Variants in UTRN observed in about 807,000 individuals in gnomAD.
The protein encoded by UTRN is utrophin.
A neutral mutation model predicts 463.9 loss-of-function variants in UTRN; 283 were observed. That is an observed-to-expected ratio of 0.61 (90% CI 0.55 to 0.67). The LOEUF is 0.67. UTRN is among the 30% of genes least tolerant of loss of function. The probability of loss-of-function intolerance (pLI) is 0.00; values close to 1 mark genes in which losing one functional copy is unlikely to be tolerated. For synonymous variants in UTRN, 1,442 were observed against 1,431.5 expected, an observed-to-expected ratio of 1.01 and a Z score of -0.17; for missense variants, 3,922 against 4,084.3, an observed-to-expected ratio of 0.96 and a Z score of 1.08.
chr6:144,489,966 T>A, intron 30 of UTRN, 105 bp from the exon 31 acceptor site: 1 of 1,467,454 alleles, frequency 6.8e-7, no homozygotes, highest in Non-Finnish European at 9.2e-7. Context: ...TTATGTAAAA[T>A]ACGATATCAT....
chr6:144,601,418 C>T (rs1804236208), intron 51 of UTRN, among the ~76,000 whole-genome samples: 1 of 151,636 alleles, frequency 6.6e-6, no homozygotes, highest in South Asian at 2.1e-4. Flanking sequence ...GATTCCTACC[C>T]TCATGGATCA....
At chr6:144,315,806 G>T (rs1200975174) in intron 2 of UTRN, among the ~76,000 whole-genome samples, 2 of 152,166 alleles carry the variant, frequency 1.3e-5, no homozygotes, top group African/African-American at 4.8e-5. Context: ...TACCTGAAAA[G>T]CACTTTATAT....
In UTRN at chr6:144,537,763, T is replaced by G. The variant is rs567113572; in HGVS notation, c.6369+46T>G. The G allele has an allele frequency of 3.8e-6, 6 of 1,589,702 alleles. No homozygotes were observed. In the East Asian group the frequency reaches 1.2e-4, roughly 31 times the overall value. On this transcript the variant is annotated intron_variant, in intron 44 of 74. Coordinates refer to ENST00000367545, the MANE Select transcript of UTRN (RefSeq NM_007124.3). ...TATATGCCTTTTGGTGCCCGAACATTATACTTCAGAGTCACATACTGCGTG... is the reference window on the plus strand; with the variant it reads ...TATATGCCTTTTGGTGCCCGAACATGATACTTCAGAGTCACATACTGCGTG...
intron 2 of UTRN, among the ~76,000 whole-genome samples, chr6:144,394,476 A>G (rs544738576): frequency 1.2e-4 from 18 of 152,156 alleles, no homozygotes; most frequent in Non-Finnish European, 2.1e-4. Context: ...CCCATAACCC[A>G]TGGGAATTAT....
intron 51 of UTRN, among the ~76,000 whole-genome samples, chr6:144,639,920 A>G (rs930124252): frequency 6.6e-6 from 1 of 152,192 alleles, no homozygotes; most frequent in African/African-American, 2.4e-5. Flanking sequence ...CCACAGGGCC[A>G]TGAGGCATTA....
At chr6:144,679,222 T>G (rs1394211822) in intron 52 of UTRN, among the ~76,000 whole-genome samples, 3 of 152,126 alleles carry the variant, frequency 2.0e-5, no homozygotes, top group African/African-American at 7.2e-5. Flanking sequence ...AGGACCAGAA[T>G]TCTGACTAGG....
In UTRN at chr6:144,770,133, C is replaced by T. The variant is rs537013254; in HGVS notation, c.8496-1774C>T. On this transcript the variant is annotated intron_variant, in intron 58 of 74. Transcript: ENST00000367545. ...AGTCAAGAATCTGGGTAGAGGAGCC[C>T]GACAACTTTCCATCTCTTTCCAAGA... 3.9e-5 allele frequency among the ~76,000 whole-genome samples: 6 copies of T among 152,214 alleles called. No individual in the cohort carries two copies. In the East Asian group the frequency reaches 1.2e-3, roughly 29 times the overall value.
At chr6:144,680,863 TAC>T (rs1782126858) in intron 52 of UTRN, among the ~76,000 whole-genome samples, 1 of 152,184 alleles carries the variant, frequency 6.6e-6, no homozygotes. Flanking sequence ...TGGCTGAGAA[TAC>T]AGTTTGCTGC....
chr6:144,329,958 A>C (rs1776225196), intron 2 of UTRN, among the ~76,000 whole-genome samples: 1 of 152,194 alleles, frequency 6.6e-6, no homozygotes, highest in East Asian at 1.9e-4. Context: ...TGGCCTCTTG[A>C]GTGTGTAGAC....
At chr6:144,711,797 G>A (rs1213531084) in intron 53 of UTRN, among the ~76,000 whole-genome samples, 2 of 152,136 alleles carry the variant, frequency 1.3e-5, no homozygotes, top group Non-Finnish European at 2.9e-5. Flanking sequence ...GGCTACTCTG[G>A]CCTTTGCTTA....
At chr6:144,794,073 G>A (rs765561572) in intron 63 of UTRN, 82 bp downstream of exon 63, 62 of 1,528,920 alleles carry the variant, frequency 4.1e-5, no homozygotes, top group South Asian at 2.7e-4. Flanking sequence ...TAGGGAACTC[G>A]GGCTGGAGCC....
chr6:144,827,827 T>C, intron 68 of UTRN, 151 bp downstream of exon 68: 1 of 943,072 alleles, frequency 1.1e-6, no homozygotes, highest in Non-Finnish European at 1.6e-6. Flanking sequence ...GGCTCTCATA[T>C]TTTCATGACA....
intron 23 of UTRN, among the ~76,000 whole-genome samples, chr6:144,467,655 T>C (rs1438373449): frequency 6.6e-6 from 1 of 152,118 alleles, no homozygotes; most frequent in African/African-American, 2.4e-5. Context: ...GAACCAGGTT[T>C]TGAGAGTACT....
At chr6:144,359,814 C>T (rs1778889758) in intron 2 of UTRN, among the ~76,000 whole-genome samples, 1 of 151,388 alleles carries the variant, frequency 6.6e-6, no homozygotes, top group African/African-American at 2.4e-5. Context: ...CATTTCATCG[C>T]TTGATGTTTA....
chr6:144,658,380 A>G (rs927353843), intron 51 of UTRN, among the ~76,000 whole-genome samples: 2 of 152,210 alleles, frequency 1.3e-5, no homozygotes, highest in African/African-American at 4.8e-5. Context: ...TTGCAAATCC[A>G]AAAAATAATA....
At chr6:144,661,433 G>C (rs1779852880) in intron 51 of UTRN, among the ~76,000 whole-genome samples, 2 of 152,250 alleles carry the variant, frequency 1.3e-5, no homozygotes, top group Admixed American at 1.3e-4. Context: ...CACCTCTACT[G>C]TAATGTAAGG....
At chr6:144,795,771 G>A (rs919998741) in intron 63 of UTRN, among the ~76,000 whole-genome samples, 1 of 151,958 alleles carries the variant, frequency 6.6e-6, no homozygotes, top group African/African-American at 2.4e-5. Context: ...CTGGATATTA[G>A]CCCTTTGTCA....
rs1432089165 is a variant in UTRN, at chr6:144,459,333, C to T, written c.2686C>T (p.Arg896Cys). ...YQAVQEAVED[R>C]QQHLENELKG... is the part of the protein sequence containing the mutation. ...AGCTGTACAAGAGGCTGTAGAGGAT[C>T]GTCAACAACATCTAGAGAATGGTAA... is the stretch of plus-strand genomic sequence containing the variant. The change falls in exon 21 of 75, where the codon CGT becomes TGT. Residue 896 changes from arginine (R) to cysteine (C), a missense_variant. Physicochemically the swap from Arg to Cys is radical, Grantham distance 180. This residue lies in a region of UTRN where 2,349 missense variants were observed against 2,303.8 expected (regional missense o/e 1.02). Transcript: ENST00000367545. 1.9e-6 allele frequency: 3 copies of T among 1,604,696 alleles called. No individual in the cohort carries two copies. The highest frequency in any genetic ancestry group is 1.1e-5 in the South Asian group (1 of 89,492).
chr6:144,391,133 G>A (rs569094508), intron 2 of UTRN, among the ~76,000 whole-genome samples: 1 of 151,964 alleles, frequency 6.6e-6, no homozygotes, highest in African/African-American at 2.4e-5. Context: ...ATGCAGTGGT[G>A]CATTCACAAT....
Sources: gnomAD v4.1 joint callset for allele counts (sites outside exome capture counted in the v4.1 genomes callset) on GRCh38, gnomAD v4.1.1 for gene constraint, gnomAD v4.1.1 regional missense constraint, MANE v1.5 for transcripts, NCBI Gene and HGNC (gene_info 2026-07-23, HGNC 2026-07-21) for gene names.